Variants in SASS6 observed in about 807,000 individuals in gnomAD.
SASS6 encodes spindle assembly abnormal protein 6 homolog.
In SASS6, 59 loss-of-function variants were observed where a neutral mutation model predicts 94.9. That is an observed-to-expected ratio of 0.62 (90% CI 0.50 to 0.77). The LOEUF (loss-of-function observed/expected upper bound fraction) is 0.77. Ranked by LOEUF, SASS6 falls within the 30% of genes least tolerant of loss-of-function variation. SASS6 has a pLI of 0.00. For missense variants in SASS6, 698 were observed against 734.1 expected (o/e 0.95, Z 0.57); for synonymous variants, 264 against 270.0 (o/e 0.98, Z 0.22).
At chr1:100,110,786 T>C (rs778056553) in intron 7 of SASS6, among the ~76,000 whole-genome samples, 3 of 151,972 alleles carry the variant, frequency 2.0e-5, no homozygotes, top group Admixed American at 6.6e-5. Context: ...GGGAAGATGC[T>C]ATATAAGTTA....
chr1:100,121,023 C>T (rs1654154624), intron 5 of SASS6, among the ~76,000 whole-genome samples: 1 of 141,630 alleles, frequency 7.1e-6, no homozygotes, highest in South Asian at 2.3e-4. Context: ...GCACTCCAGC[C>T]TGGGCGACAG....
At chr1:100,113,743 C>T (rs1653573065) in intron 7 of SASS6, among the ~76,000 whole-genome samples, 1 of 151,212 alleles carries the variant, frequency 6.6e-6, no homozygotes, top group African/African-American at 2.4e-5. Flanking sequence ...TTCGAAAACA[C>T]TAAACAATAG....
intron 7 of SASS6, among the ~76,000 whole-genome samples, chr1:100,113,597 G>C (rs1333998095): frequency 6.6e-6 from 1 of 150,526 alleles, no homozygotes; most frequent in Non-Finnish European, 1.5e-5. Context: ...CTCCAGCCTG[G>C]GTGACAAGAG....
At chr1:100,121,175 C>T (rs1249625918) in intron 5 of SASS6, among the ~76,000 whole-genome samples, 1 of 152,110 alleles carries the variant, frequency 6.6e-6, no homozygotes, top group African/African-American at 2.4e-5. Context: ...TGGTAAAAAC[C>T]CTGAGACCTA....
At chr1:100,114,860 A>C (rs1287750257) in intron 7 of SASS6, among the ~76,000 whole-genome samples, 1 of 152,206 alleles carries the variant, frequency 6.6e-6, no homozygotes, top group African/African-American at 2.4e-5. Flanking sequence ...CTATTGTTAT[A>C]ATTTACTACA....
At chr1:100,112,914 C>T (rs957075932) in intron 7 of SASS6, among the ~76,000 whole-genome samples, 4 of 152,184 alleles carry the variant, frequency 2.6e-5, no homozygotes, top group South Asian at 4.1e-4. Context: ...ATGATTCTCA[C>T]GCACACTAAA....
Position 100,119,015 on chromosome 1 carries a change from T to C in SASS6, c.669+3A>G, listed in dbSNP as rs377280526. ...TTTTTTCAGTTTCCTTTAATGTTCT[T>C]ACCTGCAAGGCTTTTTCCTTTTCAT... On this transcript the variant is annotated splice_donor_region_variant and intron_variant, in intron 7 of 16. Coordinates refer to ENST00000287482, the MANE Select transcript of SASS6 (RefSeq NM_194292.3). 1.9e-6 allele frequency: 3 copies of C among 1,554,508 alleles called. No homozygotes were observed. Among genetic ancestry groups the C allele is most frequent in the African/African-American group, 1.4e-5 (1 of 73,164 alleles).
At chr1:100,088,019 C>A in intron 15 of SASS6, 120 bp downstream of exon 15, 1 of 520,294 alleles carries the variant, frequency 1.9e-6, no homozygotes, top group South Asian at 3.0e-5. Flanking sequence ...TTCCAATGAT[C>A]AGTAACTTGA....
At chr1:100,116,832 T>C (rs1398602200) in intron 7 of SASS6, among the ~76,000 whole-genome samples, 1 of 152,144 alleles carries the variant, frequency 6.6e-6, no homozygotes, top group Non-Finnish European at 1.5e-5. Context: ...TAACCTCCTA[T>C]GGACTACTGT....
rs1002114752 is a variant in SASS6 at position 100,083,755 on chromosome 1, T to G, written c.*1573A>C. On this transcript the variant is annotated 3_prime_UTR_variant, in exon 17 of 17. Transcript: ENST00000287482. ...ACATTTAATACAAATTTGCAAGATA[T>G]CAGAATGATCTCTCCTGAAAATTCA... 2.0e-5 allele frequency: 3 copies of G among 152,006 alleles called. No homozygotes were observed. Among genetic ancestry groups the G allele is most frequent in the Non-Finnish European group, 4.4e-5 (3 of 67,908 alleles). The allele number at this position is 152,006 out of a possible 1,614,324, so 9.4% of individuals were successfully genotyped here. A position where few individuals can be genotyped will look rare whatever the true frequency, so the allele number is the denominator to read the frequency against.
Position 100,102,947 on chromosome 1 carries a change from T to C in SASS6, c.1674+8A>G, listed in dbSNP as rs558326035. 5 of 1,601,600 alleles carry C rather than the reference T, an allele frequency of 3.1e-6. No homozygotes were observed. Among genetic ancestry groups the C allele is most frequent in the Admixed American group, 3.5e-5 (2 of 57,142 alleles). On this transcript the variant is annotated splice_region_variant and intron_variant, in intron 14 of 16. Transcript: ENST00000287482. The stretch of plus-strand genomic sequence containing the variant: ...TTTCCCAGAACAAGTATTAGTTAAT[T>C]TGGCTACCTTTGTTCCTGAACCAGG...
chr1:100,091,220 G>C (rs553191541), intron 14 of SASS6, among the ~76,000 whole-genome samples: 1 of 152,190 alleles, frequency 6.6e-6, no homozygotes, highest in South Asian at 2.1e-4. Flanking sequence ...CACAAGAATT[G>C]CTTGAACCCA....
At chr1:100,128,991 C>A (rs993922411) in intron 1 of SASS6, among the ~76,000 whole-genome samples, 2 of 152,106 alleles carry the variant, frequency 1.3e-5, no homozygotes, top group African/African-American at 4.8e-5. Context: ...GTAATCCCAG[C>A]ACTTTGGGAG....
At chr1:100,089,283 G>A (rs965458243) in intron 14 of SASS6, among the ~76,000 whole-genome samples, 6 of 151,974 alleles carry the variant, frequency 3.9e-5, no homozygotes, top group South Asian at 2.1e-4. Context: ...AATCAACCAC[G>A]TATAATTGGA....
At chr1:100,127,974 G>A (rs1654746385) in intron 1 of SASS6, among the ~76,000 whole-genome samples, 1 of 152,088 alleles carries the variant, frequency 6.6e-6, no homozygotes, top group East Asian at 1.9e-4. Context: ...ATAGTGGTAT[G>A]ATACTGCAGT....
chr1:100,110,253 C>A lies in SASS6; in HGVS notation c.861+39G>T, dbSNP rs761596722. ...ATTAAAATAACCAAATCAAAACGTT[C>A]TCTTAAATTGGGGGAGGAAAAAAAA... is the stretch of plus-strand genomic sequence containing the variant. On this transcript the variant is annotated intron_variant, in intron 8 of 16. Transcript: ENST00000287482. 1.9e-5 allele frequency: 24 copies of A among 1,277,780 alleles called. No individual in the cohort carries two copies. In the Admixed American group the frequency reaches 5.0e-4, roughly 27 times the overall value. 79.2% of individuals were successfully genotyped at this position (1,277,780 alleles called of 1,614,324 possible). A position where few individuals can be genotyped will look rare whatever the true frequency, so the allele number is the denominator to read the frequency against.
rs1488589846 is a variant in SASS6 at position 100,121,273 on chromosome 1, CTTTA to C, written c.483+101_483+104del. 3 of 652,242 alleles carry C rather than the reference CTTTA, an allele frequency of 4.6e-6. No homozygotes were observed. The Admixed American group carries it at 1.0e-4, about 23-fold the overall frequency. 40.4% of individuals were successfully genotyped at this position (652,242 alleles called of 1,614,324 possible). A position where few individuals can be genotyped will look rare whatever the true frequency, so the allele number is the denominator to read the frequency against. ...AATAAATTCGTTATATTTCATAAAA[CTTTA>C]TTTAGAAAACAAAAACTTATGGCAA... On this transcript the variant is annotated intron_variant, in intron 5 of 16. Transcript: ENST00000287482.
intron 13 of SASS6, among the ~76,000 whole-genome samples, chr1:100,104,808 C>T (rs1652767090): frequency 6.7e-6 from 1 of 149,482 alleles, no homozygotes; most frequent in African/African-American, 2.5e-5. Flanking sequence ...AAAAGCAGGG[C>T]TGGGCACAGT....
At chr1:100,114,991 C>G (rs1653678933) in intron 7 of SASS6, among the ~76,000 whole-genome samples, 1 of 151,858 alleles carries the variant, frequency 6.6e-6, no homozygotes, top group African/African-American at 2.4e-5. Context: ...CCCTTTCTCT[C>G]AAATGCAAAG....
Sources: gnomAD v4.1 joint callset for allele counts (sites outside exome capture counted in the v4.1 genomes callset) on GRCh38, gnomAD v4.1.1 for gene constraint, MANE v1.5 for transcripts, NCBI Gene and HGNC (gene_info 2026-07-23, HGNC 2026-07-21) for gene names.